The following GALNT14 variants were observed in gnomAD, a reference collection of about 807,000 sequenced individuals.
GALNT14 encodes polypeptide N-acetylgalactosaminyltransferase 14.
In GALNT14, 60 loss-of-function variants were observed where a neutral mutation model predicts 77.5. The observed-to-expected ratio is 0.77, with a 90% confidence interval of 0.63 to 0.96. The LOEUF (loss-of-function observed/expected upper bound fraction) is 0.96. Ranked by LOEUF, GALNT14 falls within the 40% of genes least tolerant of loss-of-function variation. The pLI, the probability that GALNT14 is intolerant of heterozygous loss-of-function variation, is 0.00. For synonymous variants in GALNT14, 280 were observed against 281.7 expected (o/e 0.99, Z 0.06); for missense variants, 710 against 731.0 (o/e 0.97, Z 0.33).
At chr2:30,969,008 G>C (rs897890777) in intron 2 of GALNT14, among the ~76,000 whole-genome samples, 2 of 152,260 alleles carry the variant, frequency 1.3e-5, no homozygotes, top group Non-Finnish European at 2.9e-5. Context: ...GTCTGTGAGA[G>C]CATGGAGGGG....
intron 3 of GALNT14, among the ~76,000 whole-genome samples, chr2:30,958,795 A>T (rs1022061097): frequency 6.6e-6 from 1 of 152,074 alleles, no homozygotes; most frequent in African/African-American, 2.4e-5. Flanking sequence ...TTCACTTCTT[A>T]TATCTCTCCC....
chr2:30,988,045 G>T (rs1292274103), intron 2 of GALNT14, among the ~76,000 whole-genome samples: 1 of 152,136 alleles, frequency 6.6e-6, no homozygotes, highest in Non-Finnish European at 1.5e-5. Flanking sequence ...CCTTCTACAA[G>T]GCCCCTGAGG....
At chr2:30,956,013 A>G (rs2148319154) in intron 4 of GALNT14, 36 bp from the exon 5 acceptor site, 1 of 1,608,084 alleles carries the variant, frequency 6.2e-7, no homozygotes, top group South Asian at 1.1e-5. Context: ...TTGAGCGCCC[A>G]GGGATGGACC....
At chr2:31,130,783 TGC>T (rs1553382625) in intron 1 of GALNT14, among the ~76,000 whole-genome samples, 11 of 118,680 alleles carry the variant, frequency 9.3e-5, no homozygotes, top group South Asian at 2.7e-4. Flanking sequence ...TGTGTGTGTG[TGC>T]GCGCGCACCT....
At chr2:31,065,792 G>A (rs1366882478) in intron 1 of GALNT14, among the ~76,000 whole-genome samples, 1 of 152,300 alleles carries the variant, frequency 6.6e-6, no homozygotes, top group Non-Finnish European at 1.5e-5. Context: ...CTCCTGCCGG[G>A]TGTCTGAGGA....
chr2:31,127,736 A>G (rs1324903518), intron 1 of GALNT14, among the ~76,000 whole-genome samples: 2 of 152,236 alleles, frequency 1.3e-5, no homozygotes, highest in Non-Finnish European at 2.9e-5. Context: ...ATATACACTC[A>G]ATTTTAGGAG....
intron 1 of GALNT14, among the ~76,000 whole-genome samples, chr2:31,006,826 T>G (rs1371595272): frequency 6.6e-6 from 1 of 152,216 alleles, no homozygotes; most frequent in Non-Finnish European, 1.5e-5. Context: ...AAAGGTGACA[T>G]TAGCAAGAAG....
intron 10 of GALNT14, among the ~76,000 whole-genome samples, chr2:30,930,655 T>A (rs937516528): frequency 2.6e-5 from 4 of 152,104 alleles, no homozygotes; most frequent in Non-Finnish European, 2.9e-5. Flanking sequence ...GAAAAGGGGG[T>A]GCTCTTTCAG....
At chr2:31,031,470 A>T (rs550433774) in intron 1 of GALNT14, among the ~76,000 whole-genome samples, 11 of 152,270 alleles carry the variant, frequency 7.2e-5, no homozygotes, top group African/African-American at 2.4e-4. Context: ...AAGATGACTA[A>T]AATCTTACTT....
At chr2:30,910,090 T>C (rs1016421983), downstream of GALNT14, among the ~76,000 whole-genome samples, 7 of 146,710 alleles carry the variant, frequency 4.8e-5, no homozygotes, top group Non-Finnish European at 7.5e-5. Context: ...GGGATAGCAG[T>C]GGGAGATATA....
intron 1 of GALNT14, among the ~76,000 whole-genome samples, chr2:31,019,157 A>G (rs1021156117): frequency 2.6e-5 from 4 of 152,240 alleles, no homozygotes; most frequent in African/African-American, 7.2e-5. Flanking sequence ...ACCACCACTC[A>G]TATGTCTCAC....
At chr2:30,925,530 A>T (rs1665319731) in intron 11 of GALNT14, among the ~76,000 whole-genome samples, 1 of 152,162 alleles carries the variant, frequency 6.6e-6, no homozygotes, top group Admixed American at 6.5e-5. Context: ...ATCTAGACAA[A>T]CCAGAGGTAG....
chr2:30,935,642 A>G (rs534065408), intron 9 of GALNT14, among the ~76,000 whole-genome samples: 29 of 152,314 alleles, frequency 1.9e-4, no homozygotes, highest in African/African-American at 6.3e-4. Flanking sequence ...GTGATGATTT[A>G]TAGGGATGAC....
intron 1 of GALNT14, among the ~76,000 whole-genome samples, chr2:31,134,456 T>C (rs1373662788): frequency 6.6e-6 from 1 of 152,196 alleles, no homozygotes; most frequent in Non-Finnish European, 1.5e-5. Flanking sequence ...AAAACCAACT[T>C]TTTTCCCTAT....
chr2:30,959,934 C>T (rs1484298742), intron 3 of GALNT14, among the ~76,000 whole-genome samples: 2 of 152,290 alleles, frequency 1.3e-5, no homozygotes, highest in South Asian at 2.1e-4. Context: ...CAGGTGGAGG[C>T]GCTGTATGCA....
At chr2:30,961,532 T>A (rs1667690436) in intron 3 of GALNT14, among the ~76,000 whole-genome samples, 4 of 152,152 alleles carry the variant, frequency 2.6e-5, no homozygotes, top group Admixed American at 2.0e-4. Flanking sequence ...CTCTGAATGG[T>A]GGTATTGATA....
At chr2:31,053,224 T>G (rs867309024) in intron 1 of GALNT14, among the ~76,000 whole-genome samples, 18 of 152,256 alleles carry the variant, frequency 1.2e-4, no homozygotes, top group Middle Eastern at 3.4e-3. Flanking sequence ...GCCAGGTTCT[T>G]TGCCTGTCCT....
intron 1 of GALNT14, among the ~76,000 whole-genome samples, chr2:31,055,715 C>A (rs961198048): frequency 5.9e-5 from 9 of 152,196 alleles, no homozygotes; most frequent in African/African-American, 2.2e-4. Flanking sequence ...TTGAAAAGGA[C>A]TGAACAGTGG....
chr2:30,993,558 T>C (rs1669843377), intron 1 of GALNT14, among the ~76,000 whole-genome samples: 1 of 152,220 alleles, frequency 6.6e-6, no homozygotes, highest in African/African-American at 2.4e-5. Context: ...CCGTCTACAG[T>C]GGTGTGCTAC....
Sources: gnomAD v4.1 joint callset for allele counts (sites outside exome capture counted in the v4.1 genomes callset) on GRCh38, gnomAD v4.1.1 for gene constraint, MANE v1.5 for transcripts, NCBI Gene and HGNC (gene_info 2026-07-23, HGNC 2026-07-21) for gene names.